Variants in ARK2N observed in about 807,000 individuals in gnomAD.
ARK2N encodes the protein protein ARK2N.
chr18:46,261,639 A>G, the ARK2N span, among the ~76,000 whole-genome samples: 1 of 152,122 alleles, frequency 6.6e-6, no homozygotes. Context: ...TTATTTCTCT[A>G]GCTAATCTTT....
the ARK2N span, among the ~76,000 whole-genome samples, chr18:46,235,060 G>T: frequency 4.6e-5 from 7 of 152,052 alleles, no homozygotes; most frequent in Admixed American, 1.3e-4. Context: ...TGTGTCTCTG[G>T]GTTACAAGAA....
the ARK2N span, among the ~76,000 whole-genome samples, chr18:46,224,517 C>T: frequency 6.6e-6 from 1 of 152,134 alleles, no homozygotes; most frequent in Non-Finnish European, 1.5e-5. Flanking sequence ...TGTAGTGGTT[C>T]TCAACTAAGG....
chr18:46,231,434 A>T, the ARK2N span, among the ~76,000 whole-genome samples: 1 of 152,156 alleles, frequency 6.6e-6, no homozygotes, highest in Non-Finnish European at 1.5e-5. Flanking sequence ...ATGGATTCAG[A>T]TTATTAATAT....
At chr18:46,237,355 A>G in the ARK2N span, among the ~76,000 whole-genome samples, 3 of 151,178 alleles carry the variant, frequency 2.0e-5, no homozygotes, top group Non-Finnish European at 4.4e-5. Context: ...ATATTTGTAT[A>G]GTAGCTCAGA....
chr18:46,196,869 C>T, the ARK2N span, among the ~76,000 whole-genome samples: 1 of 152,156 alleles, frequency 6.6e-6, no homozygotes, highest in East Asian at 1.9e-4. Flanking sequence ...TAGTGGAAAC[C>T]TCAGATTCTT....
chr18:46,254,949 T>C, the ARK2N span, among the ~76,000 whole-genome samples: 1 of 150,820 alleles, frequency 6.6e-6, no homozygotes, highest in Non-Finnish European at 1.5e-5. Context: ...GTATTTTGTA[T>C]AAAGCAAACA....
At chr18:46,192,591 A>G in the ARK2N span, among the ~76,000 whole-genome samples, 2 of 144,502 alleles carry the variant, frequency 1.4e-5, no homozygotes, top group East Asian at 4.9e-4. Context: ...TTTTTTTTTG[A>G]GACAGAGTCT....
At chr18:46,188,270 G>A in the ARK2N span, among the ~76,000 whole-genome samples, 1 of 152,072 alleles carries the variant, frequency 6.6e-6, no homozygotes, top group Non-Finnish European at 1.5e-5. Flanking sequence ...GCACGATCTT[G>A]GCTCACTGCA....
the ARK2N span, among the ~76,000 whole-genome samples, chr18:46,180,456 C>T: frequency 6.6e-6 from 1 of 152,226 alleles, no homozygotes; most frequent in African/African-American, 2.4e-5. Flanking sequence ...CCTGTAATCC[C>T]AGCACTTTGG....
chr18:46,180,683 A>G, the ARK2N span, among the ~76,000 whole-genome samples: 1 of 152,020 alleles, frequency 6.6e-6, no homozygotes, highest in Non-Finnish European at 1.5e-5. Context: ...AGCCTGGGCA[A>G]CAAGAGGGAA....
At chr18:46,220,575 G>T in the ARK2N span, among the ~76,000 whole-genome samples, 2 of 152,160 alleles carry the variant, frequency 1.3e-5, no homozygotes, top group Non-Finnish European at 2.9e-5. Context: ...ATTTGAATAT[G>T]TTGTCTTCCA....
the ARK2N span, among the ~76,000 whole-genome samples, chr18:46,261,408 C>T: frequency 1.3e-5 from 2 of 152,174 alleles, no homozygotes; most frequent in Non-Finnish European, 2.9e-5. Flanking sequence ...CCTCATAGGT[C>T]TGTCAGAATT....
At chr18:46,178,852 T>C in the ARK2N span, among the ~76,000 whole-genome samples, 4 of 151,158 alleles carry the variant, frequency 2.6e-5, no homozygotes, top group East Asian at 7.9e-4. Context: ...GGTTTGTGGC[T>C]GCAGTGAGTG....
the ARK2N span, among the ~76,000 whole-genome samples, chr18:46,237,800 G>A: frequency 1.9e-4 from 29 of 152,286 alleles, no homozygotes; most frequent in South Asian, 4.1e-4. Flanking sequence ...GAAGTTGGAA[G>A]GACAACCATT....
At chr18:46,257,789 C>G in the ARK2N span, among the ~76,000 whole-genome samples, 1 of 152,012 alleles carries the variant, frequency 6.6e-6, no homozygotes, top group African/African-American at 2.4e-5. Context: ...GGAACAGTTC[C>G]TTTTGGTACC....
the ARK2N span, among the ~76,000 whole-genome samples, chr18:46,235,933 A>T: frequency 1.8e-4 from 27 of 152,362 alleles, no homozygotes; most frequent in East Asian, 5.2e-3. Flanking sequence ...GTAAAATTAA[A>T]CATTTGATGG....
At chr18:46,259,904 A>T in the ARK2N span, among the ~76,000 whole-genome samples, 1 of 21,340 alleles carries the variant, frequency 4.7e-5, no homozygotes, top group Non-Finnish European at 1.5e-4. Context: ...TGTGTGCGAC[A>T]GAGATGGGGT....
chr18:46,236,344 G>C, the ARK2N span, among the ~76,000 whole-genome samples: 1 of 152,136 alleles, frequency 6.6e-6, no homozygotes, highest in Admixed American at 6.6e-5. Context: ...AACTTTTCTT[G>C]TGTTGTGATT....
chr18:46,255,631 A>G, the ARK2N span, among the ~76,000 whole-genome samples: 3 of 151,098 alleles, frequency 2.0e-5, no homozygotes, highest in Admixed American at 2.0e-4. Context: ...TTGTATTTTT[A>G]GTTGAGATGG....
Sources: allele counts gnomAD v4.1 joint callset (sites outside exome capture counted in the v4.1 genomes callset), GRCh38; gene constraint gnomAD v4.1.1; transcripts MANE v1.5; gene names NCBI Gene and HGNC (gene_info 2026-07-23, HGNC 2026-07-21).